Variants in EGR3 observed in about 807,000 individuals in gnomAD.
EGR3 encodes the protein early growth response protein 3.
In EGR3, 4 loss-of-function variants were observed where a neutral mutation model predicts 22.4. The ratio of observed to expected loss-of-function variants is 0.18; its 90% CI spans 0.09 to 0.41. EGR3 has a LOEUF of 0.41. Ranked by LOEUF, EGR3 falls within the 10% of genes least tolerant of loss-of-function variation. The pLI is 1.00. For missense variants in EGR3, 315 were observed against 541.3 expected, an observed-to-expected ratio of 0.58 and a Z score of 4.15; for synonymous variants, 219 against 226.8, an observed-to-expected ratio of 0.97 and a Z score of 0.31.
chr8:22,693,029 G>T lies in EGR3; in HGVS notation c.-85C>A, dbSNP rs1804023214. On this transcript the variant is annotated 5_prime_UTR_variant, in exon 1 of 2. The change creates a premature stop within an existing upstream ORF in the 5' untranslated region. Coordinates refer to ENST00000317216, the MANE Select transcript of EGR3 (RefSeq NM_004430.3). ...CGCAGCTTCCAGGCAAGCGGCATCC[G>T]AGAGGCGATCCGTGGTGCAGGGGAA... The T allele has an allele frequency of 1.4e-6, 2 of 1,475,138 alleles. No individual in the cohort carries two copies. The highest frequency in any genetic ancestry group is 1.8e-6 in the Non-Finnish European group (2 of 1,110,402). 91.4% of individuals were successfully genotyped at this position (1,475,138 alleles called of 1,614,324 possible).
At chr8:22,691,678 T>G (rs1441367236) in intron 1 of EGR3, 196 bp from the exon 2 acceptor site, 3 of 981,488 alleles carry the variant, frequency 3.1e-6, no homozygotes, top group Non-Finnish European at 3.6e-6. Context: ...AGCAAAATAC[T>G]ACGGATCGGG....
chr8:22,692,927 G>T lies in EGR3; in HGVS notation c.18C>A (p.Ala6=), dbSNP rs140919640. ...TGCTCATGGTCACCGGCAGCTTCTC[G>T]GCGAGTTTGCCGGTCATAGCACTCC... MTGKL[A]EKLPVTMSSL... Residue 6 remains alanine (A), a synonymous_variant, in exon 1 of 2, where the codon GCC becomes GCA. Coordinates refer to ENST00000317216, the MANE Select transcript of EGR3 (RefSeq NM_004430.3). This position sits in a 1 kb window ranked among gnomAD's most constrained non-coding sequence, Gnocchi z 6.2. The T allele has an allele frequency of 6.2e-7, 1 of 1,611,982 alleles. No individual in the cohort carries two copies. The highest frequency in any genetic ancestry group is 2.2e-5 in the East Asian group (1 of 44,792).
In EGR3 at chr8:22,691,266, G is replaced by A. The variant is rs1563183488; in HGVS notation, c.371C>T (p.Thr124Met). The change falls in exon 2 of 2, where the codon ACG becomes ATG. Residue 124 changes from threonine (T) to methionine (M), a missense_variant. Coordinates refer to ENST00000317216, the MANE Select transcript of EGR3 (RefSeq NM_004430.3). ...TGGCTGCACCATGCTGGCCGTGGAC[G>A]TCTGCGTGCTGAGCGCCCCTGAAGC... ...PPASGALSTQ[T>M]STASMVQPPQ... is the part of the protein sequence containing the mutation. 1.2e-6 allele frequency: 2 copies of A among 1,613,990 alleles called. No homozygotes were observed. The highest frequency in any genetic ancestry group is 1.7e-6 in the Non-Finnish European group (2 of 1,180,010).
At position 22,692,773 on chromosome 8, in the gene EGR3, C is replaced by A. The variant is rs1278064038; in HGVS notation, c.154+18G>T. On this transcript the variant is annotated intron_variant, in intron 1 of 1. Coordinates refer to ENST00000317216, the MANE Select transcript of EGR3 (RefSeq NM_004430.3). The surrounding 1 kb of genome is among the most constrained non-coding windows in gnomAD (Gnocchi z 6.2). Reference sequence around the variant, plus strand: ...CCCTTCCTTCCTCGCTGCCTCGCCGCCTCCCCGCCGCCCTTACCTGTAGCC... The same window carrying A: ...CCCTTCCTTCCTCGCTGCCTCGCCGACTCCCCGCCGCCCTTACCTGTAGCC... 1.9e-6 allele frequency: 3 copies of A among 1,612,436 alleles called. No individual in the cohort carries two copies. Among genetic ancestry groups the A allele is most frequent in the Non-Finnish European group, 2.5e-6 (3 of 1,179,450 alleles).
rs1460963748 is a variant in EGR3, at chr8:22,692,923, T to C, written c.22A>G (p.Lys8Glu). 1 of 1,612,012 alleles carries C rather than the reference T, an allele frequency of 6.2e-7. No individual in the cohort carries two copies. Among genetic ancestry groups the C allele is most frequent in the Non-Finnish European group, 8.5e-7 (1 of 1,179,626 alleles). MTGKLAE[K>E]LPVTMSSLLN... ...AAACTGCTCATGGTCACCGGCAGCT[T>C]CTCGGCGAGTTTGCCGGTCATAGCA... Residue 8 changes from lysine (K) to glutamate (E), a missense_variant, in exon 1 of 2, where the codon AAG becomes GAG. Physicochemically the swap from Lys to Glu is moderately conservative, Grantham distance 56. This residue lies in a region of EGR3 where 227 missense variants were observed against 303.6 expected (regional missense o/e 0.75). Transcript: ENST00000317216. The surrounding 1 kb of genome is among the most constrained non-coding windows in gnomAD (Gnocchi z 6.2).
rs993323421 is a variant in EGR3 at position 22,692,536 on chromosome 8, C to G, written c.154+255G>C. The G allele has an allele frequency of 1.6e-4, 227 of 1,426,650 alleles. No homozygotes were observed. Among genetic ancestry groups the G allele is most frequent in the Non-Finnish European group, 2.0e-4 (217 of 1,094,524 alleles). The allele number at this position is 1,426,650 out of a possible 1,614,324, so 88.4% of individuals were successfully genotyped here. On this transcript the variant is annotated intron_variant, in intron 1 of 1. Transcript: ENST00000317216. The surrounding 1 kb of genome is among the most constrained non-coding windows in gnomAD (Gnocchi z 6.2). ...GGCGGCTGCCCCCACCCGGGAGAAC[C>G]GAAGCCTCTACCGTGGCGTCGCCAA...
chr8:22,692,846 G>A lies in EGR3; in HGVS notation c.99C>T (p.Leu33=), dbSNP rs1453020080. ...NLYPEEIPSA[L]NLFSGSSDSV... ...AGTCGCTGCTGCCGGAGAAGAGGTT[G>A]AGCGCGCTGGGGATCTCCTCGGGGT... Residue 33 remains leucine, a synonymous_variant, in exon 1 of 2, where the codon CTC becomes CTT. Coordinates refer to ENST00000317216, the MANE Select transcript of EGR3 (RefSeq NM_004430.3). This position sits in a 1 kb window ranked among gnomAD's most constrained non-coding sequence, Gnocchi z 6.2. The A allele has an allele frequency of 6.2e-7, 1 of 1,613,594 alleles. No homozygotes were observed. Among genetic ancestry groups the A allele is most frequent in the Non-Finnish European group, 8.5e-7 (1 of 1,179,884 alleles).
rs1804029813 is a variant in EGR3, at chr8:22,693,231, G to A, written c.-287C>T. The A allele has an allele frequency of 7.0e-6, 1 of 143,118 alleles. No homozygotes were observed. The highest frequency in any genetic ancestry group is 1.5e-5 in the Non-Finnish European group (1 of 67,734). 8.9% of individuals were successfully genotyped at this position (143,118 alleles called of 1,614,324 possible). On this transcript the variant is annotated 5_prime_UTR_variant, in exon 1 of 2. Transcript: ENST00000317216. ...TCGTGGGGGGGGTGGGGCGTGTGCG[G>A]GGGGTGGGGTGGGGGCTGGGCTGGG...
Position 22,691,369 on chromosome 8 carries a change from C to T in EGR3, c.268G>A (p.Ala90Thr). 6.2e-7 allele frequency: 1 copy of T among 1,614,046 alleles called. No homozygotes were observed. The highest frequency in any genetic ancestry group is 8.5e-7 in the Non-Finnish European group (1 of 1,180,022). ...CACCAGTTGGAAGGGGAGTCGAAGG[C>T]GAACTTTCCCAAGTAGGTCACGGTC... is the stretch of plus-strand genomic sequence containing the variant. ...NKTVTYLGKF[A>T]FDSPSNWCQD... is the part of the protein sequence containing the mutation. Residue 90 changes from alanine to threonine, a missense_variant, in exon 2 of 2, where the codon GCC becomes ACC. By Grantham distance (58) the Ala-to-Thr change is moderately conservative. Coordinates refer to ENST00000317216, the MANE Select transcript of EGR3 (RefSeq NM_004430.3).
In EGR3 at chr8:22,693,143, G is replaced by C; in HGVS notation, c.-199C>G. The C allele has an allele frequency of 1.3e-6, 1 of 746,918 alleles. No individual in the cohort carries two copies. The highest frequency in any genetic ancestry group is 2.0e-6 in the Non-Finnish European group (1 of 506,054). 46.3% of individuals were successfully genotyped at this position (746,918 alleles called of 1,614,324 possible). A position where few individuals can be genotyped will look rare whatever the true frequency, so the allele number is the denominator to read the frequency against. ...GAGGGGATCTTCTCTTTTTTGGGGGGCGGGAGAGGGCCCCAGGGGGTAATC... is the reference window on the plus strand; with the variant it reads ...GAGGGGATCTTCTCTTTTTTGGGGGCCGGGAGAGGGCCCCAGGGGGTAATC... On this transcript the variant is annotated 5_prime_UTR_variant, in exon 1 of 2. Transcript: ENST00000317216.
rs1803833750 is a variant in EGR3, at chr8:22,688,413, T to A, written c.*2060A>T. ...AAAATACTGTCTCTGCAAAGAAAGA[T>A]TTTACCCTTCAGCTGAAAAAATATG... On this transcript the variant is annotated 3_prime_UTR_variant, in exon 2 of 2. Transcript: ENST00000317216. The A allele has an allele frequency of 6.6e-6, 1 of 152,552 alleles. No homozygotes were observed. The highest frequency in any genetic ancestry group is 1.5e-5 in the Non-Finnish European group (1 of 68,018). 9.4% of individuals were successfully genotyped at this position (152,552 alleles called of 1,614,324 possible).
At position 22,688,020 on chromosome 8, in the gene EGR3, A is replaced by G. The variant is rs1260136804; in HGVS notation, c.*2453T>C. 3.3e-5 allele frequency: 5 copies of G among 152,774 alleles called. No homozygotes were observed. In the East Asian group the frequency reaches 9.6e-4, roughly 29 times the overall value. 9.5% of individuals were successfully genotyped at this position (152,774 alleles called of 1,614,324 possible). ...GTCTTTTTTCTAAGTACTCAACTTTATACAAAAGTCTTTCAAAAAATATCA... is the reference window on the plus strand; with the variant it reads ...GTCTTTTTTCTAAGTACTCAACTTTGTACAAAAGTCTTTCAAAAAATATCA... On this transcript the variant is annotated 3_prime_UTR_variant, in exon 2 of 2. Coordinates refer to ENST00000317216, the MANE Select transcript of EGR3 (RefSeq NM_004430.3).
intron 1 of EGR3, 153 bp from the exon 2 acceptor site, chr8:22,691,635 G>A (rs1399992727): frequency 1.0e-6 from 1 of 958,092 alleles, no homozygotes; most frequent in Non-Finnish European, 1.2e-6. Context: ...CGCAAAGCGG[G>A]CGGTGCCGCG....
Position 22,690,240 on chromosome 8 carries a change from G to T in EGR3, c.*233C>A. 1 of 564,270 alleles carries T rather than the reference G, an allele frequency of 1.8e-6. No homozygotes were observed. Among genetic ancestry groups the T allele is most frequent in the Middle Eastern group, 4.6e-4 (1 of 2,160 alleles). The allele number at this position is 564,270 out of a possible 1,614,324, so 35.0% of individuals were successfully genotyped here. A position where few individuals can be genotyped will look rare whatever the true frequency, so the allele number is the denominator to read the frequency against. On this transcript the variant is annotated 3_prime_UTR_variant, in exon 2 of 2. Coordinates refer to ENST00000317216, the MANE Select transcript of EGR3 (RefSeq NM_004430.3). ...CTAGACGCCACCTTTCCGCCCCCAC[G>T]CCTTGGCTAAGTGGGGGACCGCGAG...
chr8:22,690,511 G>A lies in EGR3; in HGVS notation c.1126C>T (p.Pro376Ser), dbSNP rs768743962. 1.2e-6 allele frequency: 2 copies of A among 1,609,892 alleles called. No homozygotes were observed. Among genetic ancestry groups the A allele is most frequent in the South Asian group, 1.1e-5 (1 of 90,986 alleles). Residue 376 changes from proline (P) to serine (S), a missense_variant, in exon 2 of 2, where the codon CCC becomes TCC. Coordinates refer to ENST00000317216, the MANE Select transcript of EGR3 (RefSeq NM_004430.3). The part of the protein sequence containing the change: ...GGAPSASSAP[P>S]VSLAPVVTTC... ...GTGACCACGGGGGCCAGCGACACGGGGGGCGCCGAGGATGCAGAGGGTGCA... is the reference window on the plus strand; with the variant it reads ...GTGACCACGGGGGCCAGCGACACGGAGGGCGCCGAGGATGCAGAGGGTGCA...
rs1432243834 is a variant in EGR3, at chr8:22,689,055, G to A, written c.*1418C>T. ...TATATATGTACACTCACATGTATAT[G>A]TACAGATATGTGTGCATCTATATCC... On this transcript the variant is annotated 3_prime_UTR_variant, in exon 2 of 2. Coordinates refer to ENST00000317216, the MANE Select transcript of EGR3 (RefSeq NM_004430.3). 6.6e-6 allele frequency: 1 copy of A among 152,598 alleles called. No homozygotes were observed. The highest frequency in any genetic ancestry group is 2.4e-5 in the African/African-American group (1 of 41,434). The allele number at this position is 152,598 out of a possible 1,614,324, so 9.5% of individuals were successfully genotyped here.
In EGR3 at chr8:22,690,493, C is replaced by A; in HGVS notation, c.1144G>T (p.Val382Leu). 1 of 1,606,760 alleles carries A rather than the reference C, an allele frequency of 6.2e-7. No homozygotes were observed. The highest frequency in any genetic ancestry group is 8.5e-7 in the Non-Finnish European group (1 of 1,175,874). The change falls in exon 2 of 2, where the codon GTG becomes TTG. Residue 382 changes from valine to leucine, a missense_variant. Around this residue, in one of 4 missense-constraint regions of EGR3, gnomAD observed 38 missense variants for 37.5 expected, o/e 1.01. Transcript: ENST00000317216. ...GATCCTCAGGCGCAGGTGGTGACCA[C>A]GGGGGCCAGCGACACGGGGGGCGCC... Reference protein sequence around the residue: ...SSAPPVSLAPVVTTCA With the variant: ...SSAPPVSLAPLVTTCA
In EGR3 at chr8:22,692,389, A is replaced by G; in HGVS notation, c.154+402T>C. ...TAAGGGGGGAGAGCGCGGGTGAAAA[A>G]GACGCCGGGCTCCTCCCGGGAAGAG... On this transcript the variant is annotated intron_variant, in intron 1 of 1. Transcript: ENST00000317216. This position sits in a 1 kb window ranked among gnomAD's most constrained non-coding sequence, Gnocchi z 6.2. 2.1e-6 allele frequency: 3 copies of G among 1,447,842 alleles called. No homozygotes were observed. Among genetic ancestry groups the G allele is most frequent in the South Asian group, 1.4e-5 (1 of 71,600 alleles). 89.7% of individuals were successfully genotyped at this position (1,447,842 alleles called of 1,614,324 possible).
chr8:22,691,566 C>A (rs1320779953), intron 1 of EGR3, 84 bp from the exon 2 acceptor site: 1 of 1,537,480 alleles, frequency 6.5e-7, no homozygotes, highest in African/African-American at 1.4e-5. Context: ...TGCCCAGGTG[C>A]GGAGGGTGCG....
Sources: allele counts gnomAD v4.1 joint callset, GRCh38; gene constraint gnomAD v4.1.1; regional missense constraint gnomAD v4.1.1; non-coding constraint Gnocchi (gnomAD v3.1); transcripts MANE v1.5; gene names NCBI Gene and HGNC (gene_info 2026-07-23, HGNC 2026-07-21).